CEACAM3: variants seen among roughly 807,000 people sequenced by gnomAD.
CEACAM3 encodes the protein cell adhesion molecule CEACAM3.
CEACAM3 carries 32 observed loss-of-function variants against 30.1 expected under a neutral mutation model. The ratio of observed to expected loss-of-function variants is 1.06; its 90% confidence interval spans 0.80 to 1.43. The LOEUF is 1.43. Ranked by LOEUF, CEACAM3 falls within the 40% of genes most tolerant of loss-of-function variation. The pLI, the probability that CEACAM3 is intolerant of heterozygous loss-of-function variation, is 0.00. For synonymous variants in CEACAM3, 134 were observed against 127.2 expected, an observed-to-expected ratio of 1.05 and a Z score of -0.36; for missense variants, 290 against 316.3, an observed-to-expected ratio of 0.92 and a Z score of 0.63.
intron 2 of CEACAM3, 69 bp downstream of exon 2, chr19:41,798,017 C>A (rs1192771080): frequency 6.5e-7 from 1 of 1,546,716 alleles, no homozygotes; most frequent in African/African-American, 1.4e-5. Context: ...GATTGTCAGG[C>A]CTGGGCTGTG....
At chr19:41,802,007 C>T (rs1488456198) in intron 2 of CEACAM3, among the ~76,000 whole-genome samples, 1 of 152,126 alleles carries the variant, frequency 6.6e-6, no homozygotes, top group African/African-American at 2.4e-5. Flanking sequence ...TGAATTTTTC[C>T]CATGGTTAGC....
chr19:41,804,630 T>C (rs782159876), intron 2 of CEACAM3, among the ~76,000 whole-genome samples: 2 of 152,158 alleles, frequency 1.3e-5, no homozygotes, highest in Non-Finnish European at 2.9e-5. Context: ...CTCACAATTC[T>C]CTCTCTACCC....
At position 41,796,760 on chromosome 19, in the gene CEACAM3, G is replaced by A. The variant is rs1555825278; in HGVS notation, c.64+19G>A. The A allele has an allele frequency of 1.9e-6, 3 of 1,607,026 alleles. No individual in the cohort carries two copies. The highest frequency in any genetic ancestry group is 2.7e-5 in the African/African-American group (2 of 74,690). On this transcript the variant is annotated intron_variant, in intron 1 of 6. Coordinates refer to ENST00000357396, the MANE Select transcript of CEACAM3 (RefSeq NM_001815.5). ...CTCACAGGTGAGTGGAGGATTCCTG[G>A]GAGTGGGCAAGAGGAGGGATCACAG...
Position 41,807,096 on chromosome 19 carries a change from C to T in CEACAM3, c.425-1717C>T, listed in dbSNP as rs1555826872. ...GGTGCCACACAGGGCAATCTTCTCT[C>T]TGTTTTCTGCACAGCGGAGCTGCCC... On this transcript the variant is annotated intron_variant, in intron 2 of 6. Transcript: ENST00000357396. The T allele has an allele frequency of 5.0e-6, 8 of 1,609,672 alleles. No individual in the cohort carries two copies. In the Admixed American group the frequency reaches 6.7e-5, roughly 13 times the overall value.
rs1871879941 is a variant in CEACAM3, at chr19:41,809,965, A to G, written c.543A>G (p.Arg181=). Residue 181 remains arginine, a splice_region_variant and synonymous_variant, in exon 4 of 7, where the codon AGA becomes AGG. Transcript: ENST00000357396. Reference sequence around the variant, plus strand: ...CCCAAATGACCCTGACCTTTCCTAGAACCAGCATCCAGCGTGACCTCAAGG... The same window carrying G: ...CCCAAATGACCCTGACCTTTCCTAGGACCAGCATCCAGCGTGACCTCAAGG... ...VCFLLLAKTG[R]TSIQRDLKEQ... is the part of the protein sequence containing the mutation. 2 of 1,613,678 alleles carry G rather than the reference A, an allele frequency of 1.2e-6. No individual in the cohort carries two copies. The highest frequency in any genetic ancestry group is 2.2e-5 in the South Asian group (2 of 91,070).
At chr19:41,800,664 A>G (rs2073138547) in intron 2 of CEACAM3, among the ~76,000 whole-genome samples, 1 of 152,092 alleles carries the variant, frequency 6.6e-6, no homozygotes, top group African/African-American at 2.4e-5. Flanking sequence ...TAATGGCATA[A>G]GCTGTCTTTC....
chr19:41,807,559 G>A (rs2073213355), intron 2 of CEACAM3: 1 of 1,290,942 alleles, frequency 7.7e-7, no homozygotes, highest in Non-Finnish European at 1.0e-6. Flanking sequence ...GAATAGGAGG[G>A]GAGAGGCTGC....
rs1232656206 is a variant in CEACAM3, at chr19:41,796,727, G to A, written c.50G>A (p.Gly17Glu). 6.2e-7 allele frequency: 1 copy of A among 1,613,500 alleles called. No individual in the cohort carries two copies. Among genetic ancestry groups the A allele is most frequent in the African/African-American group, 1.3e-5 (1 of 75,046 alleles). ...CACAGAGAATGCATCCCCTGGCAGG[G>A]GCTTCTGCTCACAGGTGAGTGGAGG... ...SPHRECIPWQ[G>E]LLLTASLLNF... is the part of the protein sequence containing the mutation. Residue 17 changes from glycine (G) to glutamate (E), a missense_variant, in exon 1 of 7, where the codon GGG becomes GAG. Transcript: ENST00000357396.
At chr19:41,803,750 G>GGGTGAAATA (rs2073175603) in intron 2 of CEACAM3, among the ~76,000 whole-genome samples, 2 of 86,126 alleles carry the variant, frequency 2.3e-5, no homozygotes, top group Admixed American at 1.2e-4. Context: ...ACAGGCATGA[G>GGGTGAAATA]CCACCATGCC....
intron 2 of CEACAM3, among the ~76,000 whole-genome samples, chr19:41,808,485 T>G (rs1431431208): frequency 6.6e-6 from 1 of 152,164 alleles, no homozygotes; most frequent in Non-Finnish European, 1.5e-5. Context: ...GGGCCTGCCC[T>G]TTGTGAGTGT....
At chr19:41,802,249 A>G (rs1555826085) in intron 2 of CEACAM3, among the ~76,000 whole-genome samples, 1 of 152,182 alleles carries the variant, frequency 6.6e-6, no homozygotes, top group Non-Finnish European at 1.5e-5. Flanking sequence ...TGGGGCTCCC[A>G]TCCTCCAGTC....
chr19:41,807,370 A>C, intron 2 of CEACAM3: 2 of 1,604,286 alleles, frequency 1.2e-6, no homozygotes, highest in Non-Finnish European at 1.7e-6. Context: ...ACAGTGACCC[A>C]GTCACGCTGA....
chr19:41,802,684 C>T (rs2073161501), intron 2 of CEACAM3, among the ~76,000 whole-genome samples: 1 of 152,214 alleles, frequency 6.6e-6, no homozygotes, highest in African/African-American at 2.4e-5. Flanking sequence ...AGATCCCCTC[C>T]TCCTTCCTGA....
intron 5 of CEACAM3, 105 bp downstream of exon 5, chr19:41,810,459 CA>C (rs2073240144): frequency 1.8e-5 from 23 of 1,291,212 alleles, no homozygotes; most frequent in Middle Eastern, 3.6e-4. Context: ...CACCTTCCCC[CA>C]AAACACACAG....
At chr19:41,811,089 C>G (rs907438439) in intron 6 of CEACAM3, 83 bp from the exon 7 acceptor site, 12 of 1,501,234 alleles carry the variant, frequency 8.0e-6, no homozygotes, top group Non-Finnish European at 2.8e-6. Context: ...CAGAGCAGCC[C>G]TGGATGGGCC....
At chr19:41,800,320 C>T (rs191370655) in intron 2 of CEACAM3, among the ~76,000 whole-genome samples, 4 of 152,132 alleles carry the variant, frequency 2.6e-5, no homozygotes, top group Middle Eastern at 6.3e-3. Flanking sequence ...GTGACACTAG[C>T]GCCTGGGAAG....
At chr19:41,807,273 A>G in intron 2 of CEACAM3, 1 of 1,608,626 alleles carries the variant, frequency 6.2e-7, no homozygotes. Context: ...CTGTCCAATG[A>G]CAAGAGGACC....
intron 2 of CEACAM3, among the ~76,000 whole-genome samples, chr19:41,801,610 A>G (rs782158697): frequency 6.6e-6 from 1 of 152,182 alleles, no homozygotes; most frequent in Non-Finnish European, 1.5e-5. Context: ...AGAGTTTTTC[A>G]TGGATAGTTT....
Position 41,797,734 on chromosome 19 carries a change from G to C in CEACAM3, c.210G>C (p.Gly70=), listed in dbSNP as rs199568678. 19 of 1,613,752 alleles carry C rather than the reference G, an allele frequency of 1.2e-5. No individual in the cohort carries two copies. The highest frequency in any genetic ancestry group is 4.5e-5 in the East Asian group (2 of 44,892). Residue 70 remains glycine, a synonymous_variant, in exon 2 of 7, where the codon GGG becomes GGC. Coordinates refer to ENST00000357396, the MANE Select transcript of CEACAM3 (RefSeq NM_001815.5). ...TTTTTGGCTACAGCTGGTACAAAGG[G>C]GAAAGAGTGGATGGCAACAGTCTAA... The part of the protein sequence containing the change: ...QHLFGYSWYK[G]ERVDGNSLIV...
Sources: allele counts gnomAD v4.1 joint callset (sites outside exome capture counted in the v4.1 genomes callset), GRCh38; gene constraint gnomAD v4.1.1; transcripts MANE v1.5; gene names NCBI Gene and HGNC (gene_info 2026-07-23, HGNC 2026-07-21).